The following RGS6 variants were observed in gnomAD, a reference collection of about 807,000 sequenced individuals.
RGS6 encodes the protein regulator of G-protein signaling 6.
RGS6 carries 30 observed loss-of-function variants against 78.5 expected under a neutral mutation model. That is an observed-to-expected ratio of 0.38 (90% CI 0.29 to 0.52). The LOEUF is 0.52. Among genes scored for constraint, RGS6 ranks in the 20% least tolerant of loss-of-function variants. RGS6 has a pLI of 0.85. For missense variants in RGS6, 495 were observed against 609.7 expected, an observed-to-expected ratio of 0.81 and a Z score of 1.98; for synonymous variants, 206 against 206.0, an observed-to-expected ratio of 1.00 and a Z score of 0.00.
At chr14:72,492,689 C>T (rs1268204104) in intron 12 of RGS6, among the ~76,000 whole-genome samples, 2 of 152,118 alleles carry the variant, frequency 1.3e-5, no homozygotes, top group Non-Finnish European at 2.9e-5. Context: ...ATGTTCTGAG[C>T]CCCAACAGAC....
intron 3 of RGS6, among the ~76,000 whole-genome samples, chr14:72,395,668 T>A (rs574185522): frequency 6.6e-6 from 1 of 152,160 alleles, no homozygotes; most frequent in Non-Finnish European, 1.5e-5. Context: ...TATCTCCTAA[T>A]GCTATCCCTC....
At chr14:72,232,879 C>T (rs976549818) in intron 2 of RGS6, among the ~76,000 whole-genome samples, 3 of 152,140 alleles carry the variant, frequency 2.0e-5, no homozygotes, top group African/African-American at 7.2e-5. Flanking sequence ...CCTGGGAGGG[C>T]CTGGCAAGCC....
intron 3 of RGS6, among the ~76,000 whole-genome samples, chr14:72,411,297 G>A (rs1177976750): frequency 6.6e-6 from 1 of 152,198 alleles, no homozygotes; most frequent in Non-Finnish European, 1.5e-5. Context: ...TCCCTTGTCA[G>A]TTGGATTCCT....
intron 2 of RGS6, among the ~76,000 whole-genome samples, chr14:72,345,733 AC>A (rs1566580944): frequency 6.6e-6 from 1 of 152,350 alleles, no homozygotes; most frequent in South Asian, 2.1e-4. Context: ...TGTTTTCATA[AC>A]TGTAGAAATG....
chr14:72,383,276 A>G (rs2086815914), intron 3 of RGS6, among the ~76,000 whole-genome samples: 2 of 150,052 alleles, frequency 1.3e-5, no homozygotes, highest in South Asian at 2.1e-4. Flanking sequence ...TTAAAGGAAT[A>G]TAAAATAAAG....
At chr14:72,389,392 A>G (rs974432877) in intron 3 of RGS6, among the ~76,000 whole-genome samples, 4 of 152,026 alleles carry the variant, frequency 2.6e-5, no homozygotes, top group African/African-American at 9.7e-5. Flanking sequence ...GCCAGGACTC[A>G]CTCTTGGTCT....
At chr14:71,974,449 T>C (rs1027521443) in intron 2 of RGS6, among the ~76,000 whole-genome samples, 1 of 152,192 alleles carries the variant, frequency 6.6e-6, no homozygotes. Flanking sequence ...ATCTTTCTGG[T>C]AAATAATATC....
At chr14:72,182,095 T>TC (rs1394973862) in intron 2 of RGS6, among the ~76,000 whole-genome samples, 2 of 152,208 alleles carry the variant, frequency 1.3e-5, no homozygotes, top group Non-Finnish European at 2.9e-5. Flanking sequence ...AGGTTTTTTT[T>TC]CTCATTCTTT....
chr14:71,979,379 C>G (rs1356949311), intron 2 of RGS6, among the ~76,000 whole-genome samples: 5 of 147,656 alleles, frequency 3.4e-5, no homozygotes, highest in East Asian at 2.0e-4. Flanking sequence ...TGGATCTTTC[C>G]TGCTTTCTCT....
chr14:72,206,240 G>T (rs1175830042), intron 2 of RGS6, among the ~76,000 whole-genome samples: 3 of 152,228 alleles, frequency 2.0e-5, no homozygotes, highest in African/African-American at 7.2e-5. Flanking sequence ...CAAGATGGGA[G>T]GATCTTTTGA....
chr14:72,574,788 T>TG, the RGS6 span, among the ~76,000 whole-genome samples: 1 of 151,956 alleles, frequency 6.6e-6, no homozygotes, highest in Non-Finnish European at 1.5e-5. Flanking sequence ...GAGGGTGCAG[T>TG]GGGTGGACTC....
At chr14:72,355,957 G>C (rs1162881380) in intron 3 of RGS6, among the ~76,000 whole-genome samples, 2 of 152,182 alleles carry the variant, frequency 1.3e-5, no homozygotes, top group Non-Finnish European at 2.9e-5. Flanking sequence ...ATGAAGCCAC[G>C]TGAGAATGGT....
intron 2 of RGS6, among the ~76,000 whole-genome samples, chr14:72,191,152 A>C (rs539820497): frequency 2.0e-5 from 3 of 152,318 alleles, no homozygotes; most frequent in Admixed American, 2.0e-4. Flanking sequence ...CAGCTTCCCA[A>C]GAGTGTTAGA....
At chr14:71,996,907 C>T (rs1255773282) in intron 2 of RGS6, among the ~76,000 whole-genome samples, 1 of 151,946 alleles carries the variant, frequency 6.6e-6, no homozygotes. Context: ...TGGTGGGTGG[C>T]ATGGAGCCAT....
chr14:72,036,771 G>A (rs2153362523), intron 2 of RGS6, among the ~76,000 whole-genome samples: 1 of 152,156 alleles, frequency 6.6e-6, no homozygotes, highest in African/African-American at 2.4e-5. Context: ...CCAGTCTGTA[G>A]TTTGCCTTTT....
chr14:72,134,125 G>T (rs1598164541), intron 2 of RGS6, among the ~76,000 whole-genome samples: 1 of 152,132 alleles, frequency 6.6e-6, no homozygotes, highest in East Asian at 1.9e-4. Context: ...CTAGCCACTT[G>T]CCTCAACCCC....
At position 72,079,535 on chromosome 14, in the gene RGS6, TGTGAGAACACCTA is replaced by T. The variant is rs550214791; in HGVS notation, c.84+114675_84+114687del. Among the ~76,000 whole-genome samples the T allele has an allele frequency of 7.5e-4, 114 of 152,324 alleles. 2 individuals carry two copies. In the East Asian group the frequency reaches 0.02, roughly 27 times the overall value. On this transcript the variant is annotated intron_variant, in intron 2 of 17. Coordinates refer to ENST00000553525, the MANE Select transcript of RGS6 (RefSeq NM_001204424.2). Reference sequence around the variant, plus strand: ...TCACCTCACAGACTTATCATTTTTTTGTGAGAACACCTAGTGAGAACACCTAGAAGTCACCCAC... The same window carrying T: ...TCACCTCACAGACTTATCATTTTTTTGTGAGAACACCTAGAAGTCACCCAC...
the RGS6 span, among the ~76,000 whole-genome samples, chr14:71,878,737 C>T: frequency 6.6e-6 from 1 of 152,184 alleles, no homozygotes; most frequent in African/African-American, 2.4e-5. Flanking sequence ...CTTGGTACCT[C>T]AGTTGGAAAT....
chr14:71,926,904 G>A, the RGS6 span, among the ~76,000 whole-genome samples: 1 of 152,112 alleles, frequency 6.6e-6, no homozygotes, highest in Non-Finnish European at 1.5e-5. Flanking sequence ...TATTTACCAT[G>A]GTCCTAACCA....
Sources: gnomAD v4.1 joint callset for allele counts (sites outside exome capture counted in the v4.1 genomes callset) on GRCh38, gnomAD v4.1.1 for gene constraint, MANE v1.5 for transcripts, NCBI Gene and HGNC (gene_info 2026-07-23, HGNC 2026-07-21) for gene names.